The following ABCA4 variants were observed in gnomAD, a reference collection of about 807,000 sequenced individuals.
The protein encoded by ABCA4 is ATP binding cassette subfamily A member 4.
ABCA4 carries 196 observed loss-of-function variants against 263.7 expected under a neutral mutation model. The ratio of observed to expected loss-of-function variants is 0.74; its 90% CI spans 0.66 to 0.84. The LOEUF (loss-of-function observed/expected upper bound fraction) is 0.84. Ranked by LOEUF, ABCA4 falls within the 40% of genes least tolerant of loss-of-function variation. The pLI is 0.00. For missense variants in ABCA4, 2,792 were observed against 2,855.1 expected (o/e 0.98, Z 0.50); for synonymous variants, 1,133 against 1,094.2 (o/e 1.04, Z -0.70).
intron 20 of ABCA4, among the ~76,000 whole-genome samples, chr1:94,044,082 C>G (rs1660600735): frequency 7.0e-6 from 1 of 142,370 alleles, no homozygotes; most frequent in Non-Finnish European, 1.5e-5. Context: ...TCTCCCCTCC[C>G]TCCCTCCCTT....
At chr1:94,113,740 C>T (rs1662672493) in intron 1 of ABCA4, among the ~76,000 whole-genome samples, 1 of 152,232 alleles carries the variant, frequency 6.6e-6, no homozygotes, top group African/African-American at 2.4e-5. Context: ...CTTCAAGTTT[C>T]TATTGCTTAA....
At chr1:94,073,800 G>A (rs769265948) in intron 11 of ABCA4, among the ~76,000 whole-genome samples, 6 of 150,522 alleles carry the variant, frequency 4.0e-5, no homozygotes, top group South Asian at 2.1e-4. Context: ...GTCACGATAC[G>A]AATGTCAAGT....
rs200106061 is a variant in ABCA4 at position 93,998,095 on chromosome 1, A to G, written c.6495T>C (p.Tyr2165=). 20 of 1,614,220 alleles carry G rather than the reference A, an allele frequency of 1.2e-5. No individual in the cohort carries two copies. In the East Asian group the frequency reaches 3.1e-4, roughly 25 times the overall value. The change falls in exon 48 of 50, where the codon TAT becomes TAC. Residue 2165 remains tyrosine, a synonymous_variant. Coordinates refer to ENST00000370225, the MANE Select transcript of ABCA4 (RefSeq NM_000350.3). ...QHLKSKFGDG[Y]IVTMKIKSPK... is the part of the protein sequence containing the mutation. ...GGGATTTGATCTTCATTGTGACGAT[A>G]TAGCCATCTCCAAATCTAGGGGATG...
chr1:94,114,200 C>T (rs902637266), intron 1 of ABCA4, among the ~76,000 whole-genome samples: 3 of 152,140 alleles, frequency 2.0e-5, no homozygotes, highest in African/African-American at 7.2e-5. Context: ...ATAGCAGAGG[C>T]TCAATAAATG....
At position 94,025,034 on chromosome 1, in the gene ABCA4, G is replaced by A. The variant is rs1660001543; in HGVS notation, c.4554C>T (p.Ser1518=). The change falls in exon 31 of 50, where the codon AGC becomes AGT. Residue 1518 remains serine, a synonymous_variant. Transcript: ENST00000370225. The part of the protein sequence containing the change: ...GLPPPQRTQR[S]TEILQDLTDR... Reference sequence around the variant, plus strand: ...CCGTCAGGTCTTGTAGAATTTCCGTGCTGCGCTGTGTTCTCTGAGGCAATG... The same window carrying A: ...CCGTCAGGTCTTGTAGAATTTCCGTACTGCGCTGTGTTCTCTGAGGCAATG... 1.9e-6 allele frequency: 3 copies of A among 1,614,184 alleles called. No individual in the cohort carries two copies. The highest frequency in any genetic ancestry group is 1.3e-5 in the African/African-American group (1 of 75,048).
chr1:94,116,969 T>TC (rs59559890), intron 1 of ABCA4, among the ~76,000 whole-genome samples: 2 of 11,982 alleles, frequency 1.7e-4, no homozygotes, highest in African/African-American at 6.3e-4. Flanking sequence ...TCTTTCTTTC[T>TC]CTTTCTTTCT....
intron 36 of ABCA4, 46 bp from the exon 37 acceptor site, chr1:94,015,900 G>C: frequency 1.3e-6 from 2 of 1,530,146 alleles, no homozygotes; most frequent in Non-Finnish European, 8.9e-7. Context: ...TCTCAGACCT[G>C]CTGCCAGCTC....
In ABCA4 at chr1:94,103,035, A is replaced by G; in HGVS notation, c.550T>C (p.Ser184Pro). The G allele has an allele frequency of 6.2e-7, 1 of 1,614,142 alleles. No homozygotes were observed. Among genetic ancestry groups the G allele is most frequent in the South Asian group, 1.1e-5 (1 of 91,080 alleles). The change falls in exon 5 of 50, where the codon TCT becomes CCT. Residue 184 changes from serine to proline, a missense_variant. By Grantham distance (74) the Ser-to-Pro change is moderately conservative. Coordinates refer to ENST00000370225, the MANE Select transcript of ABCA4 (RefSeq NM_000350.3). Reference protein sequence around the residue: ...SDSVVYLLINSQVRPEQFAHG... With the variant: ...SDSVVYLLINPQVRPEQFAHG... ...CCTACCTGCTCTGGACGGACTTGAG[A>G]GTTGATCAGAAGGTAGACCACTGAG...
intron 5 of ABCA4, among the ~76,000 whole-genome samples, chr1:94,099,726 C>T (rs1188257346): frequency 2.0e-5 from 3 of 152,102 alleles, no homozygotes; most frequent in Non-Finnish European, 2.9e-5. Flanking sequence ...AAATAGGGAC[C>T]GAATAGAACA....
chr1:94,046,455 C>CAAAAAAAAA (rs61333901), intron 19 of ABCA4, among the ~76,000 whole-genome samples: 13 of 42,212 alleles, frequency 3.1e-4, no homozygotes, highest in Non-Finnish European at 4.0e-4. Context: ...GTTACTATCT[C>CAAAAAAAAA]AAAAAAAAAA....
At chr1:94,000,808 C>A (rs761111942) in intron 47 of ABCA4, 28 bp downstream of exon 47, 14 of 1,607,074 alleles carry the variant, frequency 8.7e-6, no homozygotes, top group Non-Finnish European at 1.0e-5. Context: ...CAGAAGGCAA[C>A]AAGGGGCACG....
intron 11 of ABCA4, among the ~76,000 whole-genome samples, chr1:94,068,990 C>T (rs912614001): frequency 2.0e-5 from 3 of 152,214 alleles, no homozygotes; most frequent in African/African-American, 7.2e-5. Flanking sequence ...GTGGCTGAGC[C>T]CAAGTGGCAG....
intron 6 of ABCA4, among the ~76,000 whole-genome samples, chr1:94,091,621 AC>A (rs1661970587): frequency 3.5e-5 from 5 of 142,886 alleles, no homozygotes; most frequent in Non-Finnish European, 7.8e-5. Flanking sequence ...ACACACACAC[AC>A]ACACAATTTC....
At chr1:94,047,134 T>A (rs767248379) in intron 18 of ABCA4, 41 bp from the exon 19 acceptor site, 1 of 1,606,284 alleles carries the variant, frequency 6.2e-7, no homozygotes, top group South Asian at 1.1e-5. Flanking sequence ...ACATAATGCC[T>A]AATTACATGG....
intron 38 of ABCA4, among the ~76,000 whole-genome samples, chr1:94,013,005 G>GCTTTTT (rs1450831055): frequency 6.6e-6 from 1 of 152,198 alleles, no homozygotes. Context: ...GAAAATACCA[G>GCTTTTT]GTTTTTGAAG....
intron 6 of ABCA4, among the ~76,000 whole-genome samples, chr1:94,098,395 T>C (rs1662189629): frequency 6.6e-6 from 1 of 152,174 alleles, no homozygotes; most frequent in Admixed American, 6.5e-5. Context: ...CTCTGTAAAG[T>C]ATTATATTTG....
chr1:94,002,181 G>A (rs1659209460), intron 44 of ABCA4, among the ~76,000 whole-genome samples, 189 bp from the exon 45 acceptor site: 1 of 152,186 alleles, frequency 6.6e-6, no homozygotes, highest in Non-Finnish European at 1.5e-5. Flanking sequence ...CTTTCTCTCT[G>A]TGTCTTGGAT....
At chr1:94,027,272 T>C (rs1426507300) in intron 30 of ABCA4, among the ~76,000 whole-genome samples, 3 of 152,074 alleles carry the variant, frequency 2.0e-5, no homozygotes, top group African/African-American at 7.2e-5. Flanking sequence ...CTACTGAAAA[T>C]AAGTTTCTAA....
chr1:94,027,338 G>A (rs1211736221), intron 30 of ABCA4, among the ~76,000 whole-genome samples: 1 of 152,206 alleles, frequency 6.6e-6, no homozygotes. Flanking sequence ...CACCATGTAG[G>A]TAGGCTTGGC....
Sources: allele counts gnomAD v4.1 joint callset (sites outside exome capture counted in the v4.1 genomes callset), GRCh38; gene constraint gnomAD v4.1.1; transcripts MANE v1.5; gene names NCBI Gene and HGNC (gene_info 2026-07-23, HGNC 2026-07-21).